RBFOX1: variants seen among roughly 807,000 people sequenced by gnomAD.
RBFOX1 encodes RNA binding protein fox-1 homolog 1.
A neutral mutation model predicts 57.7 loss-of-function variants in RBFOX1; 8 were observed. The observed-to-expected ratio is 0.14, with a 90% CI of 0.08 to 0.25. RBFOX1 has a LOEUF of 0.25. RBFOX1 is among the 10% of genes least tolerant of loss of function. RBFOX1 has a pLI of 1.00. For missense variants in RBFOX1, 611 were observed against 548.5 expected (o/e 1.11, Z -1.14); for synonymous variants, 326 against 222.4 (o/e 1.47, Z -4.15).
Position 7,475,954 on chromosome 16 carries a change from A to ATTATT in RBFOX1, c.28-42181_28-42177dup, listed in dbSNP as rs2062601211. On this transcript the variant is annotated intron_variant, in intron 4 of 15. Coordinates refer to ENST00000550418, the MANE Select transcript of RBFOX1 (RefSeq NM_018723.4). ...TGCAGAAGAGCCAGTAGAGTAAGAC[A>ATTATT]TTATTTTATTTTATTTATTTTTTAT... Among the ~76,000 whole-genome samples the ATTATT allele has an allele frequency of 3.3e-5, 5 of 152,134 alleles. No individual in the cohort carries two copies. The South Asian group carries it at 1.0e-3, about 32-fold the overall frequency.
At chr16:6,164,516 G>A (rs899654922) in intron 1 of RBFOX1, among the ~76,000 whole-genome samples, 5 of 148,362 alleles carry the variant, frequency 3.4e-5, no homozygotes, top group African/African-American at 9.9e-5. Context: ...GCCCAGGATG[G>A]AGTGCAGTGG....
chr16:6,024,826 G>A (rs1173097597), intron 1 of RBFOX1, among the ~76,000 whole-genome samples: 1 of 152,174 alleles, frequency 6.6e-6, no homozygotes, highest in Non-Finnish European at 1.5e-5. Flanking sequence ...TGTTCATCAG[G>A]CACCCACTGT....
chr16:7,163,584 T>G (rs1189897508), intron 4 of RBFOX1, among the ~76,000 whole-genome samples: 2 of 152,128 alleles, frequency 1.3e-5, no homozygotes, highest in Non-Finnish European at 2.9e-5. Flanking sequence ...TTTCATCATC[T>G]CAGTTTCTAC....
intron 4 of RBFOX1, among the ~76,000 whole-genome samples, chr16:7,517,775 C>G (rs2076685112): frequency 6.7e-6 from 1 of 149,666 alleles, no homozygotes; most frequent in Non-Finnish European, 1.5e-5. Context: ...CTGCAGACAA[C>G]TAAATGCTCA....
At chr16:5,302,336 C>G (rs1049542589) in intron 1 of RBFOX1, among the ~76,000 whole-genome samples, 1 of 152,126 alleles carries the variant, frequency 6.6e-6, no homozygotes, top group Non-Finnish European at 1.5e-5. Flanking sequence ...ATGAGACTAG[C>G]TTTATGGAGC....
At chr16:5,613,894 C>G (rs753066919) in intron 3 of RBFOX1, among the ~76,000 whole-genome samples, 1 of 151,470 alleles carries the variant, frequency 6.6e-6, no homozygotes, top group African/African-American at 2.4e-5. Flanking sequence ...TCCTTCATCT[C>G]CCATTTTCCT....
chr16:6,059,847 G>T (rs7204228), intron 1 of RBFOX1, among the ~76,000 whole-genome samples: 2 of 151,988 alleles, frequency 1.3e-5, no homozygotes, highest in Non-Finnish European at 2.9e-5. Context: ...CATGATTCCA[G>T]GAATAGAAAA....
At chr16:5,969,687 G>T (rs1303729210) in intron 4 of RBFOX1, among the ~76,000 whole-genome samples, 1 of 151,822 alleles carries the variant, frequency 6.6e-6, no homozygotes, top group East Asian at 1.9e-4. Flanking sequence ...TAACTTCACA[G>T]AGCTCCCTCT....
intron 3 of RBFOX1, among the ~76,000 whole-genome samples, chr16:7,037,805 A>T (rs1463310414): frequency 6.6e-6 from 1 of 152,106 alleles, no homozygotes; most frequent in Non-Finnish European, 1.5e-5. Context: ...TGTTCTCTGA[A>T]CCACTGCATT....
intron 2 of RBFOX1, among the ~76,000 whole-genome samples, chr16:6,413,553 C>A (rs1468901822): frequency 6.6e-6 from 1 of 151,952 alleles, no homozygotes; most frequent in Non-Finnish European, 1.5e-5. Flanking sequence ...GAAACCTGTG[C>A]TTTTGAAATG....
chr16:6,044,296 G>C (rs1017261841), intron 1 of RBFOX1, among the ~76,000 whole-genome samples: 7 of 152,266 alleles, frequency 4.6e-5, no homozygotes, highest in Middle Eastern at 3.4e-3. Flanking sequence ...CAGAAGCCAA[G>C]TGAAATTTCC....
At chr16:7,254,373 G>A (rs944083064) in intron 4 of RBFOX1, among the ~76,000 whole-genome samples, 1 of 152,098 alleles carries the variant, frequency 6.6e-6, no homozygotes, top group Non-Finnish European at 1.5e-5. Context: ...GGGTTTATTG[G>A]ATTATCTAGC....
At chr16:6,394,372 G>A (rs950667879) in intron 2 of RBFOX1, among the ~76,000 whole-genome samples, 4 of 152,156 alleles carry the variant, frequency 2.6e-5, no homozygotes, top group Non-Finnish European at 2.9e-5. Flanking sequence ...AGGAATAATC[G>A]ATGCATGTGA....
chr16:7,412,284 G>T (rs904010282), intron 4 of RBFOX1, among the ~76,000 whole-genome samples: 7 of 151,848 alleles, frequency 4.6e-5, no homozygotes, highest in African/African-American at 1.7e-4. Flanking sequence ...GCGTGGTGGC[G>T]TGTGCCTGTA....
chr16:5,830,176 C>G (rs903566277), intron 3 of RBFOX1, among the ~76,000 whole-genome samples: 7 of 152,110 alleles, frequency 4.6e-5, no homozygotes, highest in African/African-American at 1.7e-4. Flanking sequence ...TATTACCCAG[C>G]TAATCCAGTG....
chr16:6,950,236 G>A (rs1021255596), intron 3 of RBFOX1, among the ~76,000 whole-genome samples: 3 of 151,554 alleles, frequency 2.0e-5, no homozygotes, highest in Non-Finnish European at 4.4e-5. Context: ...GGGATTACAG[G>A]CATGAGCCAC....
intron 3 of RBFOX1, among the ~76,000 whole-genome samples, chr16:6,981,045 A>AAAAAAAAAAAAAAAAAAAAAAAAC (rs1450296417): frequency 6.6e-6 from 1 of 150,694 alleles, no homozygotes; most frequent in Admixed American, 6.6e-5. Context: ...TCAGTCTCAA[A>AAAAAAAAAAAAAAAAAAAAAAAAC]AAAAAAAAAA....
chr16:7,652,947 A>G (rs1475867446), intron 11 of RBFOX1, among the ~76,000 whole-genome samples: 1 of 152,164 alleles, frequency 6.6e-6, no homozygotes, highest in Non-Finnish European at 1.5e-5. Flanking sequence ...GAAAAATAGG[A>G]TGGGGGAAAG....
chr16:7,343,845 C>T (rs1401133558), intron 4 of RBFOX1, among the ~76,000 whole-genome samples: 1 of 152,102 alleles, frequency 6.6e-6, no homozygotes. Context: ...GGGCAGTAGT[C>T]ACCCTCTTTG....
Sources: allele counts gnomAD v4.1 joint callset (sites outside exome capture counted in the v4.1 genomes callset), GRCh38; gene constraint gnomAD v4.1.1; transcripts MANE v1.5; gene names NCBI Gene and HGNC (gene_info 2026-07-23, HGNC 2026-07-21).